The following STX3 variants were observed in gnomAD, a reference collection of about 807,000 sequenced individuals.
The protein encoded by STX3 is syntaxin-3.
STX3 carries 19 observed loss-of-function variants against 40.2 expected under a neutral mutation model. That is an observed-to-expected ratio of 0.47 (90% CI 0.33 to 0.69). The LOEUF (loss-of-function observed/expected upper bound fraction) is 0.69, where lower values mean the gene tolerates loss of function less well. Ranked by LOEUF, STX3 falls within the 30% of genes least tolerant of loss-of-function variation. The pLI is 0.02. For synonymous variants in STX3, 122 were observed against 132.2 expected, an observed-to-expected ratio of 0.92 and a Z score of 0.53; for missense variants, 364 against 366.7, an observed-to-expected ratio of 0.99 and a Z score of 0.06.
chr11:59,792,253 C>T (rs770007445), intron 6 of STX3, 38 bp downstream of exon 6: 2 of 1,566,586 alleles, frequency 1.3e-6, no homozygotes, highest in South Asian at 1.1e-5. Flanking sequence ...CTCCACCTTT[C>T]CTGCCACCTG....
intron 9 of STX3, 200 bp downstream of exon 9, chr11:59,795,682 G>T: frequency 6.5e-7 from 1 of 1,537,056 alleles, no homozygotes; most frequent in Non-Finnish European, 8.7e-7. Flanking sequence ...ATACCAAAAA[G>T]GCTGTCAAGT....
intron 4 of STX3, 97 bp from the exon 5 acceptor site, chr11:59,790,422 G>A (rs1314393362): frequency 2.1e-6 from 2 of 934,164 alleles, no homozygotes; most frequent in Non-Finnish European, 3.5e-6. Flanking sequence ...CATCTCCGTG[G>A]GCTGGATGTG....
Position 59,791,120 on chromosome 11 carries a change from C to T in STX3, c.357+534C>T, listed in dbSNP as rs114731777. On this transcript the variant is annotated intron_variant, in intron 5 of 10. Transcript: ENST00000337979. ...GGGGGGTAGCCAGAGGAGGCTGGGCCAGAGTGCCAACATGAGCAGCCTCAG... is the reference window on the plus strand; with the variant it reads ...GGGGGGTAGCCAGAGGAGGCTGGGCTAGAGTGCCAACATGAGCAGCCTCAG... Among the ~76,000 whole-genome samples, 355 of 152,218 alleles carry T rather than the reference C, an allele frequency of 2.3e-3. 3 individuals are homozygous for T. The highest frequency in any genetic ancestry group is 7.9e-3 in the African/African-American group (328 of 41,532).
At chr11:59,798,210 GTTTT>G (rs869122698) in intron 10 of STX3, among the ~76,000 whole-genome samples, 1 of 116,546 alleles carries the variant, frequency 8.6e-6, no homozygotes, top group Non-Finnish European at 1.7e-5. Flanking sequence ...TGAATCACTG[GTTTT>G]TTTTTTTTTT....
chr11:59,798,417 A>G (rs984732447), intron 10 of STX3, among the ~76,000 whole-genome samples: 4 of 152,186 alleles, frequency 2.6e-5, no homozygotes, highest in Non-Finnish European at 4.4e-5. Context: ...CATGTTGGCC[A>G]GAATGCCTTG....
intron 1 of STX3, among the ~76,000 whole-genome samples, chr11:59,758,299 G>A (rs1408669665): frequency 6.6e-6 from 1 of 152,182 alleles, no homozygotes. Flanking sequence ...AGCATCTCTT[G>A]GAGGGGAGGT....
chr11:59,800,791 T>A, intron 10 of STX3, 64 bp from the exon 11 acceptor site: 1 of 1,535,158 alleles, frequency 6.5e-7, no homozygotes. Flanking sequence ...TGTGGCTGAC[T>A]CCTTCTGTTG....
chr11:59,773,546 C>A (rs1863776991), intron 2 of STX3, among the ~76,000 whole-genome samples: 1 of 152,164 alleles, frequency 6.6e-6, no homozygotes, highest in South Asian at 2.1e-4. Flanking sequence ...TAAAATCTTA[C>A]TCCGTATGAC....
Position 59,803,055 on chromosome 11 carries a change from T to G in STX3, c.*2231T>G. 1.0e-6 allele frequency: 1 copy of G among 985,460 alleles called. No homozygotes were observed. Among genetic ancestry groups the G allele is most frequent in the African/African-American group, 1.7e-5 (1 of 57,370 alleles). 61.0% of individuals were successfully genotyped at this position (985,460 alleles called of 1,614,324 possible). A position where few individuals can be genotyped will look rare whatever the true frequency, so the allele number is the denominator to read the frequency against. ...AATGTCTCACCAAAAATAACATTTC[T>G]GTTGGCATTCTGGGTCCTAGAAGCC... On this transcript the variant is annotated 3_prime_UTR_variant, in exon 11 of 11. Coordinates refer to ENST00000337979, the MANE Select transcript of STX3 (RefSeq NM_004177.5).
At chr11:59,761,426 C>G (rs1382022160) in intron 1 of STX3, among the ~76,000 whole-genome samples, 1 of 152,202 alleles carries the variant, frequency 6.6e-6, no homozygotes, top group Non-Finnish European at 1.5e-5. Context: ...GCCACTGGCT[C>G]TGTTAGTTCT....
intron 1 of STX3, among the ~76,000 whole-genome samples, chr11:59,770,995 A>G (rs1413120607): frequency 6.6e-6 from 1 of 152,068 alleles, no homozygotes; most frequent in African/African-American, 2.4e-5. Flanking sequence ...GGGCCCATTC[A>G]CTTCAGACTC....
At position 59,803,139 on chromosome 11, in the gene STX3, C is replaced by T. The variant is rs962280439; in HGVS notation, c.*2315C>T. ...TCCTTCACACCCTCTTCCATGTCCA[C>T]ATGCACTTATCTCCCTGCAGAATAC... On this transcript the variant is annotated 3_prime_UTR_variant, in exon 11 of 11. Transcript: ENST00000337979. The T allele has an allele frequency of 2.4e-6, 3 of 1,230,656 alleles. No homozygotes were observed. The highest frequency in any genetic ancestry group is 3.2e-5 in the East Asian group (1 of 31,698). 76.2% of individuals were successfully genotyped at this position (1,230,656 alleles called of 1,614,324 possible).
chr11:59,776,940 A>G (rs1863997397), intron 2 of STX3, among the ~76,000 whole-genome samples: 1 of 152,180 alleles, frequency 6.6e-6, no homozygotes, highest in South Asian at 2.1e-4. Flanking sequence ...GATGAAACAG[A>G]CCTGCCTTTG....
rs752665301 is a variant in STX3 at position 59,790,493 on chromosome 11, A to G, written c.290-26A>G. On this transcript the variant is annotated intron_variant, in intron 4 of 10. Coordinates refer to ENST00000337979, the MANE Select transcript of STX3 (RefSeq NM_004177.5). ...TTTCTTGGAGGCGGAGATAGGTTGCAAGTATAACCTTCCTCTCCTCTTTAG... is the reference window on the plus strand; with the variant it reads ...TTTCTTGGAGGCGGAGATAGGTTGCGAGTATAACCTTCCTCTCCTCTTTAG... 7 of 1,585,708 alleles carry G rather than the reference A, an allele frequency of 4.4e-6. 1 individual carries two copies. The South Asian group carries it at 7.7e-5, about 18-fold the overall frequency.
chr11:59,797,232 T>G (rs774589214), intron 9 of STX3, 51 bp from the exon 10 acceptor site: 5 of 1,467,416 alleles, frequency 3.4e-6, no homozygotes, highest in Non-Finnish European at 4.8e-6. Context: ...AGTTGTTATT[T>G]TTTTGGTTGT....
At position 59,802,773 on chromosome 11, in the gene STX3, A is replaced by C. The variant is rs1319216004; in HGVS notation, c.*1949A>C. The C allele has an allele frequency of 4.1e-6, 4 of 986,264 alleles. No homozygotes were observed. The highest frequency in any genetic ancestry group is 4.8e-6 in the Non-Finnish European group (4 of 830,408). 61.1% of individuals were successfully genotyped at this position (986,264 alleles called of 1,614,324 possible). ...TGCCACCATGTGGTGATTTTTATTC[A>C]GGTTTTAGAATGCAGTTCACACCTT... On this transcript the variant is annotated 3_prime_UTR_variant, in exon 11 of 11. Transcript: ENST00000337979.
chr11:59,798,279 C>T (rs969300016), intron 10 of STX3, among the ~76,000 whole-genome samples: 1 of 151,514 alleles, frequency 6.6e-6, no homozygotes, highest in Non-Finnish European at 1.5e-5. Flanking sequence ...ATGATCTCGG[C>T]TCACTGCAAC....
At chr11:59,800,363 T>G in intron 10 of STX3, 1 of 985,316 alleles carries the variant, frequency 1.0e-6, no homozygotes, top group Non-Finnish European at 1.2e-6. Context: ...GCAATGAAGT[T>G]AAGGAACTTG....
At chr11:59,757,285 A>C (rs1411778620) in intron 1 of STX3, among the ~76,000 whole-genome samples, 2 of 152,164 alleles carry the variant, frequency 1.3e-5, no homozygotes, top group Non-Finnish European at 2.9e-5. Flanking sequence ...AAGGAAAAGA[A>C]GAGCACGATT....
Sources: gnomAD v4.1 joint callset for allele counts (sites outside exome capture counted in the v4.1 genomes callset) on GRCh38, gnomAD v4.1.1 for gene constraint, MANE v1.5 for transcripts, NCBI Gene and HGNC (gene_info 2026-07-23, HGNC 2026-07-21) for gene names.